BRWD3: variants seen among roughly 807,000 people sequenced by gnomAD.
BRWD3 encodes bromodomain and WD repeat-containing protein 3.
BRWD3 carries 10 observed loss-of-function variants against 149.7 expected under a neutral mutation model. That is an observed-to-expected ratio of 0.07 (90% CI 0.04 to 0.11). BRWD3 has a LOEUF of 0.11. BRWD3 is among the 10% of genes least tolerant of loss of function. The pLI is 1.00. For synonymous variants in BRWD3, 504 were observed against 456.7 expected (o/e 1.10, Z -1.32); for missense variants, 940 against 1,373.2 (o/e 0.68, Z 4.99).
rs747020158 is a variant in BRWD3, at chrX:80,726,831, C to T, written c.1387-1764G>A. 7.2e-5 allele frequency among the ~76,000 whole-genome samples: 8 copies of T among 110,567 alleles called. No individual in the cohort carries two copies. The East Asian group carries it at 8.5e-4, about 12-fold the overall frequency. On this transcript the variant is annotated intron_variant, in intron 14 of 40. Coordinates refer to ENST00000373275, the MANE Select transcript of BRWD3 (RefSeq NM_153252.5). ...CTCAAAGTTTACCAAAATTCTTCCC[C>T]GTGACTACAGAAAAAGTTATTTCTT...
Position 80,671,938 on chromosome X carries a change from G to A in BRWD3, c.*4671C>T, listed in dbSNP as rs1232631624. 1 of 112,074 alleles carries A rather than the reference G, an allele frequency of 8.9e-6. No individual in the cohort carries two copies. The highest frequency in any genetic ancestry group is 1.9e-5 in the Non-Finnish European group (1 of 53,177). 9.2% of individuals were successfully genotyped at this position (112,074 alleles called of 1,213,427 possible). A position where few individuals can be genotyped will look rare whatever the true frequency, so the allele number is the denominator to read the frequency against. On this transcript the variant is annotated 3_prime_UTR_variant, in exon 41 of 41. Coordinates refer to ENST00000373275, the MANE Select transcript of BRWD3 (RefSeq NM_153252.5). Reference sequence around the variant, plus strand: ...ATTAACATTTGTAGTACTGCCTAATGTGTATCTGGTGACATATGCAAAAAC... The same window carrying A: ...ATTAACATTTGTAGTACTGCCTAATATGTATCTGGTGACATATGCAAAAAC...
intron 4 of BRWD3, among the ~76,000 whole-genome samples, chrX:80,794,995 A>C (rs2074221982): frequency 1.8e-5 from 2 of 111,669 alleles, no homozygotes; most frequent in South Asian, 7.4e-4. Context: ...AAAGGGTATA[A>C]AACTAACAAT....
chrX:80,809,399 C>A, intron 1 of BRWD3, 42 bp downstream of exon 1: 1 of 1,109,759 alleles, frequency 9.0e-7, no homozygotes, highest in Non-Finnish European at 1.2e-6. Context: ...GCTAAGCCCC[C>A]ATTCCCTTAG....
intron 28 of BRWD3, 71 bp from the exon 29 acceptor site, chrX:80,692,221 T>C: frequency 1.0e-6 from 1 of 978,892 alleles, no homozygotes; most frequent in Non-Finnish European, 1.5e-6. Flanking sequence ...ACCACAATTT[T>C]ACATGACTTC....
At chrX:80,734,951 A>T (rs1389595143) in intron 10 of BRWD3, among the ~76,000 whole-genome samples, 176 bp downstream of exon 10, 2 of 111,527 alleles carry the variant, frequency 1.8e-5, no homozygotes, top group Non-Finnish European at 3.8e-5. Flanking sequence ...GGAAAAAAAA[A>T]TCAACCTTAC....
intron 4 of BRWD3, among the ~76,000 whole-genome samples, chrX:80,800,401 A>G (rs2074280247): frequency 9.3e-6 from 1 of 107,540 alleles, no homozygotes; most frequent in African/African-American, 3.4e-5. Flanking sequence ...TATTAGCCAG[A>G]CATGACGGTG....
intron 6 of BRWD3, among the ~76,000 whole-genome samples, chrX:80,768,572 T>C (rs2073894446): frequency 9.0e-6 from 1 of 111,244 alleles, no homozygotes. Flanking sequence ...CAAGAGCTCC[T>C]GAAGGAAGCA....
intron 4 of BRWD3, among the ~76,000 whole-genome samples, chrX:80,806,358 A>G (rs759288990): frequency 8.9e-6 from 1 of 112,278 alleles, no homozygotes; most frequent in South Asian, 3.7e-4. Flanking sequence ...GTAATGAAAA[A>G]AAAAGAGCTA....
intron 35 of BRWD3, among the ~76,000 whole-genome samples, chrX:80,686,254 G>A (rs1157456975): frequency 3.1e-5 from 3 of 96,503 alleles, no homozygotes; most frequent in South Asian, 5.7e-4. Context: ...ATCACACACC[G>A]GAGCCTGTTG....
At chrX:80,735,834 C>T (rs1343280740) in intron 9 of BRWD3, among the ~76,000 whole-genome samples, 154 bp downstream of exon 9, 2 of 104,159 alleles carry the variant, frequency 1.9e-5, no homozygotes, top group African/African-American at 7.6e-5. Flanking sequence ...ATCCTAAAAT[C>T]TCTTAACAAC....
intron 27 of BRWD3, among the ~76,000 whole-genome samples, 169 bp downstream of exon 27, chrX:80,695,739 C>T (rs896148420): frequency 2.7e-5 from 3 of 111,949 alleles, no homozygotes; most frequent in African/African-American, 6.5e-5. Flanking sequence ...AAGCCACACA[C>T]AATGTGCATA....
At chrX:80,725,268 T>A (rs915890279) in intron 14 of BRWD3, among the ~76,000 whole-genome samples, 1 of 111,924 alleles carries the variant, frequency 8.9e-6, no homozygotes, top group Non-Finnish European at 1.9e-5. Flanking sequence ...AAGTATTCAA[T>A]AAACAGAAGA....
At chrX:80,691,323 T>G (rs2072608509) in intron 30 of BRWD3, 150 bp from the exon 31 acceptor site, 2 of 623,798 alleles carry the variant, frequency 3.2e-6, no homozygotes, top group Non-Finnish European at 4.8e-6. Flanking sequence ...AGAACGTTAT[T>G]CTTTATATTT....
At chrX:80,765,990 T>C (rs1025907998) in intron 6 of BRWD3, among the ~76,000 whole-genome samples, 3 of 112,012 alleles carry the variant, frequency 2.7e-5, no homozygotes, top group Admixed American at 9.4e-5. Flanking sequence ...AAGGGTGAAT[T>C]TGTGATAGTT....
Position 80,809,678 on chromosome X carries a change from A to T in BRWD3, c.-207T>A. ...AGCCCAAGAGCTGAGGAGGCGGAGG[A>T]GGAAGGAGAGGAGAGGGAGAGGGAG... is the stretch of plus-strand genomic sequence containing the variant. On this transcript the variant is annotated 5_prime_UTR_variant, in exon 1 of 41. Coordinates refer to ENST00000373275, the MANE Select transcript of BRWD3 (RefSeq NM_153252.5). 1 of 362,907 alleles carries T rather than the reference A, an allele frequency of 2.8e-6. No individual in the cohort carries two copies. Among genetic ancestry groups the T allele is most frequent in the Non-Finnish European group, 4.9e-6 (1 of 203,904 alleles). 29.9% of individuals were successfully genotyped at this position (362,907 alleles called of 1,213,427 possible).
intron 4 of BRWD3, 43 bp downstream of exon 4, chrX:80,808,486 GGGGAGGGAGT>G (rs1440520588): frequency 3.8e-6 from 4 of 1,048,457 alleles, no homozygotes; most frequent in East Asian, 6.1e-5. Flanking sequence ...GGTACAAGGT[GGGGAGGGAGT>G]GGTGAAAGAG....
intron 6 of BRWD3, among the ~76,000 whole-genome samples, chrX:80,765,931 C>T (rs1364235230): frequency 9.0e-6 from 1 of 111,390 alleles, no homozygotes; most frequent in Non-Finnish European, 1.9e-5. Flanking sequence ...ATACTTATTC[C>T]TCCAAATACA....
At chrX:80,700,686 G>A (rs1444223986) in intron 24 of BRWD3, among the ~76,000 whole-genome samples, 4 of 106,191 alleles carry the variant, frequency 3.8e-5, no homozygotes, top group Non-Finnish European at 7.7e-5. Context: ...GCAGTGAGCC[G>A]AGATCGCAAC....
At position 80,707,578 on chromosome X, in the gene BRWD3, T is replaced by C. The variant is rs1316931337; in HGVS notation, c.2476-75A>G. On this transcript the variant is annotated intron_variant, in intron 21 of 40. Transcript: ENST00000373275. ...TATTTCTAATTAAAAAACCACTACCTGTTTTATAGCATTTTTTTGAATTCT... is the reference window on the plus strand; with the variant it reads ...TATTTCTAATTAAAAAACCACTACCCGTTTTATAGCATTTTTTTGAATTCT... 3 of 972,080 alleles carry C rather than the reference T, an allele frequency of 3.1e-6. No homozygotes were observed. In the East Asian group the frequency reaches 9.7e-5, roughly 31 times the overall value. 80.1% of individuals were successfully genotyped at this position (972,080 alleles called of 1,213,427 possible). A position where few individuals can be genotyped will look rare whatever the true frequency, so the allele number is the denominator to read the frequency against.
Sources: allele counts gnomAD v4.1 joint callset (sites outside exome capture counted in the v4.1 genomes callset), GRCh38; gene constraint gnomAD v4.1.1; transcripts MANE v1.5; gene names NCBI Gene and HGNC (gene_info 2026-07-23, HGNC 2026-07-21).